Variants in FOXP1 observed in about 807,000 individuals in gnomAD.
FOXP1 encodes forkhead box protein P1.
FOXP1 carries 15 observed loss-of-function variants against 98.2 expected under a neutral mutation model. That is an observed-to-expected ratio of 0.15 (90% confidence interval 0.10 to 0.24). The LOEUF (loss-of-function observed/expected upper bound fraction) is 0.24. Ranked by LOEUF, FOXP1 falls within the 10% of genes least tolerant of loss-of-function variation. The pLI is 1.00. For synonymous variants in FOXP1, 371 were observed against 314.5 expected, an observed-to-expected ratio of 1.18 and a Z score of -1.90; for missense variants, 633 against 848.5, an observed-to-expected ratio of 0.75 and a Z score of 3.15.
chr3:71,428,148 G>C (rs1226115590), intron 3 of FOXP1, among the ~76,000 whole-genome samples: 1 of 152,180 alleles, frequency 6.6e-6, no homozygotes, highest in African/African-American at 2.4e-5. Context: ...GTAGGAGGGT[G>C]AGACTGTCCC....
At chr3:70,977,603 A>G (rs760934431) in intron 16 of FOXP1, 40 bp downstream of exon 16, 3 of 1,480,670 alleles carry the variant, frequency 2.0e-6, no homozygotes, top group Non-Finnish European at 2.8e-6. Context: ...GTACACATAT[A>G]CCTTCTGACA....
intron 11 of FOXP1, among the ~76,000 whole-genome samples, chr3:71,040,846 G>T (rs2048247850): frequency 6.6e-6 from 1 of 152,156 alleles, no homozygotes; most frequent in African/African-American, 2.4e-5. Flanking sequence ...ATACGGGAAA[G>T]ACCATGTGCT....
chr3:71,581,370 G>A, intron 2 of FOXP1, 179 bp downstream of exon 2: 1 of 985,406 alleles, frequency 1.0e-6, no homozygotes, highest in Non-Finnish European at 1.2e-6. Flanking sequence ...GGGTGGAGGG[G>A]AGGAAGTCCA....
chr3:71,342,791 A>G (rs1383335826), intron 4 of FOXP1, among the ~76,000 whole-genome samples: 3 of 152,156 alleles, frequency 2.0e-5, no homozygotes, highest in African/African-American at 2.4e-5. Context: ...CAAAAATAGT[A>G]CAATACCCAT....
At chr3:71,309,392 ATTT>A in intron 4 of FOXP1, among the ~76,000 whole-genome samples, 1 of 147,764 alleles carries the variant, frequency 6.8e-6, no homozygotes, top group East Asian at 2.0e-4. Context: ...TTATAACGTA[ATTT>A]TTTTTTTTTT....
chr3:71,303,752 G>T (rs1400928504), intron 4 of FOXP1, among the ~76,000 whole-genome samples: 1 of 151,790 alleles, frequency 6.6e-6, no homozygotes, highest in Non-Finnish European at 1.5e-5. Flanking sequence ...AGAAAAAAAA[G>T]TGGGGAAGGT....
chr3:71,015,709 A>G, intron 11 of FOXP1, 56 bp from the exon 12 acceptor site: 1 of 1,258,916 alleles, frequency 7.9e-7, no homozygotes, highest in Admixed American at 1.7e-5. Flanking sequence ...GAACCATTCC[A>G]CCAGACGAGG....
intron 3 of FOXP1, among the ~76,000 whole-genome samples, chr3:71,491,635 G>A (rs2091068505): frequency 6.6e-6 from 1 of 151,798 alleles, no homozygotes; most frequent in Non-Finnish European, 1.5e-5. Flanking sequence ...TCTCTCTCTA[G>A]CTCCAGCAGA....
chr3:71,204,181 T>C (rs2063858457), intron 5 of FOXP1, among the ~76,000 whole-genome samples: 1 of 152,184 alleles, frequency 6.6e-6, no homozygotes, highest in Non-Finnish European at 1.5e-5. Flanking sequence ...ATTTAAAACC[T>C]TCAATAATCG....
intron 7 of FOXP1, among the ~76,000 whole-genome samples, chr3:71,103,209 A>C (rs572647722): frequency 6.6e-6 from 1 of 152,280 alleles, no homozygotes; most frequent in African/African-American, 2.4e-5. Flanking sequence ...TGCATGTATG[A>C]ATGAATGAAT....
chr3:70,963,700 C>A (rs530156123), intron 20 of FOXP1, among the ~76,000 whole-genome samples: 6 of 152,296 alleles, frequency 3.9e-5, no homozygotes, highest in African/African-American at 1.2e-4. Context: ...CGTTTAAAGG[C>A]ATTGTGTTCT....
At chr3:71,549,178 A>G (rs1329646225) in intron 2 of FOXP1, among the ~76,000 whole-genome samples, 2 of 152,120 alleles carry the variant, frequency 1.3e-5, no homozygotes, top group African/African-American at 4.8e-5. Flanking sequence ...ATATGATGCA[A>G]CTCAACTCTT....
intron 11 of FOXP1, among the ~76,000 whole-genome samples, chr3:71,024,462 G>A (rs1324023216): frequency 6.6e-6 from 1 of 152,138 alleles, no homozygotes; most frequent in African/African-American, 2.4e-5. Context: ...ACAAAGAGAA[G>A]GGTGTTTTAT....
chr3:71,262,264 C>CAAAAAAAAAAAAAAAAAAAAAAA (rs71104433), intron 5 of FOXP1, among the ~76,000 whole-genome samples: 1 of 25,714 alleles, frequency 3.9e-5, no homozygotes, highest in African/African-American at 1.3e-4. Context: ...GACTCTGTCA[C>CAAAAAAAAAAAAAAAAAAAAAAA]AAAAAAAAAA....
At chr3:71,048,051 T>C (rs1044321131) in intron 9 of FOXP1, among the ~76,000 whole-genome samples, 3 of 152,176 alleles carry the variant, frequency 2.0e-5, no homozygotes, top group Non-Finnish European at 2.9e-5. Flanking sequence ...ATATCCTTAA[T>C]CTGCTAGCAA....
chr3:71,030,353 G>A (rs963841330), intron 11 of FOXP1, among the ~76,000 whole-genome samples: 1 of 152,108 alleles, frequency 6.6e-6, no homozygotes, highest in Non-Finnish European at 1.5e-5. Context: ...TAGATTGGAG[G>A]GGGTCTTCCC....
rs187460532 is a variant in FOXP1 at position 71,012,874 on chromosome 3, G to A, written c.974+2675C>T. ...CACCCAGATGTATACATGGGCATATGTTATAGTTATACATGTGCCTATGTT... is the reference window on the plus strand; with the variant it reads ...CACCCAGATGTATACATGGGCATATATTATAGTTATACATGTGCCTATGTT... On this transcript the variant is annotated intron_variant, in intron 12 of 20. Coordinates refer to ENST00000649528, the MANE Select transcript of FOXP1 (RefSeq NM_001349338.3). 4.6e-5 allele frequency among the ~76,000 whole-genome samples: 7 copies of A among 152,248 alleles called. No homozygotes were observed. In the East Asian group the frequency reaches 1.4e-3, roughly 29 times the overall value.
intron 3 of FOXP1, among the ~76,000 whole-genome samples, chr3:71,436,603 G>A (rs1374002821): frequency 6.6e-6 from 1 of 152,016 alleles, no homozygotes; most frequent in Non-Finnish European, 1.5e-5. Flanking sequence ...TTAAGGAACT[G>A]ACTCACATAG....
intron 2 of FOXP1, among the ~76,000 whole-genome samples, chr3:71,516,731 A>G (rs2042608867): frequency 6.6e-6 from 1 of 152,134 alleles, no homozygotes; most frequent in Non-Finnish European, 1.5e-5. Context: ...CTGCAATCCC[A>G]GCTACTTGGG....
Sources: allele counts gnomAD v4.1 joint callset (sites outside exome capture counted in the v4.1 genomes callset), GRCh38; gene constraint gnomAD v4.1.1; transcripts MANE v1.5; gene names NCBI Gene and HGNC (gene_info 2026-07-23, HGNC 2026-07-21).